The following CDH4 variants were observed in gnomAD, a reference collection of about 807,000 sequenced individuals.
CDH4 encodes the protein cadherin 4.
In CDH4, 33 loss-of-function variants were observed where a neutral mutation model predicts 86.0. That is an observed-to-expected ratio of 0.38 (90% CI 0.29 to 0.51). The LOEUF is 0.51. Among genes scored for constraint, CDH4 ranks in the 20% least tolerant of loss-of-function variants. The pLI is 0.86. For synonymous variants in CDH4, 555 were observed against 549.4 expected (o/e 1.01, Z -0.14); for missense variants, 1,114 against 1,307.4 (o/e 0.85, Z 2.28).
intron 2 of CDH4, among the ~76,000 whole-genome samples, chr20:61,386,535 G>A (rs1381683918): frequency 6.6e-6 from 1 of 152,172 alleles, no homozygotes; most frequent in Non-Finnish European, 1.5e-5. Flanking sequence ...CGGGGGGCCT[G>A]GCCTTGAGGT....
At chr20:61,270,803 A>G (rs2084179378) in intron 2 of CDH4, among the ~76,000 whole-genome samples, 1 of 152,048 alleles carries the variant, frequency 6.6e-6, no homozygotes, top group Non-Finnish European at 1.5e-5. Flanking sequence ...TTTTTTTGTC[A>G]TGGTTGAGTG....
At chr20:61,786,258 G>C (rs903134601) in intron 4 of CDH4, among the ~76,000 whole-genome samples, 5 of 152,154 alleles carry the variant, frequency 3.3e-5, no homozygotes, top group African/African-American at 1.2e-4. Flanking sequence ...GCCCCAGGCA[G>C]GAGGGGCGGC....
intron 2 of CDH4, among the ~76,000 whole-genome samples, chr20:61,326,762 T>G (rs578237401): frequency 7.4e-5 from 11 of 149,654 alleles, no homozygotes; most frequent in South Asian, 2.1e-4. Context: ...AAAAATGAGG[T>G]TTTTTTTTCA....
At chr20:61,717,255 A>G (rs6061327) in intron 2 of CDH4, among the ~76,000 whole-genome samples, 11,523 of 152,238 alleles carry the variant, frequency 0.076, 1,019 homozygotes, top group African/African-American at 0.21. Flanking sequence ...CAGGACAGCC[A>G]CAGGGCCATG....
rs542184991 is a variant in CDH4 at position 61,609,896 on chromosome 20, A to G, written c.170-133667A>G. Among the ~76,000 whole-genome samples the G allele has an allele frequency of 8.0e-5, 12 of 150,762 alleles. No individual in the cohort carries two copies. The East Asian group carries it at 2.1e-3, about 27-fold the overall frequency. On this transcript the variant is annotated intron_variant, in intron 2 of 15. Coordinates refer to ENST00000614565, the MANE Select transcript of CDH4 (RefSeq NM_001794.5). ...TATGTCAGTTGTACATATTTTGGGGATATGTGATGTTTTGTTACATGTATA... is the reference window on the plus strand; with the variant it reads ...TATGTCAGTTGTACATATTTTGGGGGTATGTGATGTTTTGTTACATGTATA...
At chr20:61,361,149 A>T (rs1186173702) in intron 2 of CDH4, among the ~76,000 whole-genome samples, 1 of 152,174 alleles carries the variant, frequency 6.6e-6, no homozygotes, top group African/African-American at 2.4e-5. Flanking sequence ...GGTGACTCTC[A>T]GGCTGAGACT....
At position 61,937,000 on chromosome 20, in the gene CDH4, G is replaced by C; in HGVS notation, c.*57G>C. ...CCGTGCTCGGACGCCGGAGGAGCAG[G>C]ACTGAGCAGAGGCGGCCGGTCTTCC... On this transcript the variant is annotated 3_prime_UTR_variant, in exon 16 of 16. Coordinates refer to ENST00000614565, the MANE Select transcript of CDH4 (RefSeq NM_001794.5). 6.8e-7 allele frequency: 1 copy of C among 1,467,080 alleles called. No individual in the cohort carries two copies. Among genetic ancestry groups the C allele is most frequent in the Non-Finnish European group, 9.2e-7 (1 of 1,088,746 alleles). The allele number at this position is 1,467,080 out of a possible 1,614,324, so 90.9% of individuals were successfully genotyped here. A position where few individuals can be genotyped will look rare whatever the true frequency, so the allele number is the denominator to read the frequency against.
intron 2 of CDH4, among the ~76,000 whole-genome samples, chr20:61,589,921 G>T (rs1290192375): frequency 6.6e-6 from 1 of 151,956 alleles, no homozygotes; most frequent in Admixed American, 6.5e-5. Flanking sequence ...ATTAACAGGA[G>T]CGATGGGAAT....
At chr20:61,442,408 C>T (rs540927531) in intron 2 of CDH4, among the ~76,000 whole-genome samples, 192 of 129,648 alleles carry the variant, frequency 1.5e-3, no homozygotes, top group South Asian at 2.8e-3. Flanking sequence ...ATCGCTTATG[C>T]TCATCATCTG....
chr20:61,936,206 C>T (rs1312077946), intron 15 of CDH4, among the ~76,000 whole-genome samples: 2 of 151,742 alleles, frequency 1.3e-5, no homozygotes, highest in Non-Finnish European at 1.5e-5. Flanking sequence ...CTGCCTGCCC[C>T]CTTAGGGAGG....
At chr20:61,320,331 C>T (rs1351638004) in intron 2 of CDH4, among the ~76,000 whole-genome samples, 2 of 152,136 alleles carry the variant, frequency 1.3e-5, no homozygotes, top group Admixed American at 6.5e-5. Flanking sequence ...GGGTCAGACC[C>T]AGTGCTAGGC....
At chr20:61,907,396 C>G (rs1044436882) in intron 8 of CDH4, among the ~76,000 whole-genome samples, 1 of 152,166 alleles carries the variant, frequency 6.6e-6, no homozygotes, top group African/African-American at 2.4e-5. Context: ...AAGGGCTGTC[C>G]TCTCACACCC....
At chr20:61,536,714 T>C (rs560375821) in intron 2 of CDH4, among the ~76,000 whole-genome samples, 1 of 152,350 alleles carries the variant, frequency 6.6e-6, no homozygotes, top group African/African-American at 2.4e-5. Flanking sequence ...TACATACATA[T>C]ACACATACAT....
At chr20:61,350,162 TC>T (rs1568808601) in intron 2 of CDH4, among the ~76,000 whole-genome samples, 1 of 33,386 alleles carries the variant, frequency 3.0e-5, no homozygotes, top group Non-Finnish European at 5.4e-5. Flanking sequence ...ACCTTGCCTC[TC>T]CCACCCAGCG....
At chr20:61,831,435 A>G (rs926482447) in intron 4 of CDH4, among the ~76,000 whole-genome samples, 7 of 152,340 alleles carry the variant, frequency 4.6e-5, no homozygotes, top group African/African-American at 1.7e-4. Flanking sequence ...CTGTGCTCAA[A>G]TCCCTGCACC....
At chr20:61,265,139 C>T (rs1361092659) in intron 2 of CDH4, among the ~76,000 whole-genome samples, 3 of 146,112 alleles carry the variant, frequency 2.1e-5, no homozygotes, top group Non-Finnish European at 3.0e-5. Flanking sequence ...TCATTCAGTC[C>T]TACACATAAC....
chr20:61,786,274 A>G (rs1978876520), intron 4 of CDH4, among the ~76,000 whole-genome samples: 1 of 152,030 alleles, frequency 6.6e-6, no homozygotes, highest in East Asian at 1.9e-4. Context: ...GCGGCTACAC[A>G]TGTGCACCAC....
chr20:61,765,834 A>T (rs2088692037), intron 3 of CDH4, among the ~76,000 whole-genome samples: 1 of 152,002 alleles, frequency 6.6e-6, no homozygotes, highest in African/African-American at 2.4e-5. Context: ...TCAAACCCTC[A>T]TCCAGGGAGG....
chr20:61,926,103 A>T (rs1322072256), intron 11 of CDH4, among the ~76,000 whole-genome samples: 1 of 152,242 alleles, frequency 6.6e-6, no homozygotes, highest in East Asian at 1.9e-4. Context: ...GACCGGAGAG[A>T]AACCAGCCAC....
Sources: allele counts gnomAD v4.1 joint callset (sites outside exome capture counted in the v4.1 genomes callset), GRCh38; gene constraint gnomAD v4.1.1; transcripts MANE v1.5; gene names NCBI Gene and HGNC (gene_info 2026-07-23, HGNC 2026-07-21).